PCCA: variants seen among roughly 807,000 people sequenced by gnomAD.
The protein encoded by PCCA is propionyl-CoA carboxylase alpha chain, mitochondrial.
In PCCA, 74 loss-of-function variants were observed where a neutral mutation model predicts 101.3. The ratio of observed to expected loss-of-function variants is 0.73; its 90% CI spans 0.61 to 0.89. PCCA has a LOEUF of 0.89. PCCA is among the 40% of genes least tolerant of loss of function. The probability of loss-of-function intolerance (pLI) is 0.00; values close to 1 mark genes in which losing one functional copy is unlikely to be tolerated. For synonymous variants in PCCA, 294 were observed against 313.6 expected (o/e 0.94, Z 0.66); for missense variants, 891 against 907.0 (o/e 0.98, Z 0.23).
chr13:100,527,337 C>T, intron 22 of PCCA: 1 of 483,918 alleles, frequency 2.1e-6, no homozygotes, highest in Non-Finnish European at 4.2e-6. Flanking sequence ...CTATTCTGGA[C>T]ATTTCAGGTA....
intron 7 of PCCA, among the ~76,000 whole-genome samples, chr13:100,224,892 A>G (rs1207083645): frequency 1.3e-5 from 2 of 152,222 alleles, no homozygotes; most frequent in Non-Finnish European, 2.9e-5. Flanking sequence ...GATTTGTAGT[A>G]TGAGGGGCTG....
intron 19 of PCCA, among the ~76,000 whole-genome samples, chr13:100,422,011 C>T (rs1404245976): frequency 6.6e-6 from 1 of 151,378 alleles, no homozygotes; most frequent in African/African-American, 2.4e-5. Flanking sequence ...TAACTTAATA[C>T]CTCCATACTT....
At chr13:100,513,974 T>C (rs2086658154) in intron 21 of PCCA, among the ~76,000 whole-genome samples, 1 of 152,170 alleles carries the variant, frequency 6.6e-6, no homozygotes, top group Admixed American at 6.5e-5. Flanking sequence ...CCCCATTGAT[T>C]TAATGAAGGA....
chr13:100,139,037 C>G (rs985724220), intron 4 of PCCA, among the ~76,000 whole-genome samples: 1 of 151,018 alleles, frequency 6.6e-6, no homozygotes, highest in African/African-American at 2.4e-5. Flanking sequence ...GTTGACAGTT[C>G]TTTCTTTCCA....
At chr13:100,479,209 A>G (rs1464529286) in intron 21 of PCCA, among the ~76,000 whole-genome samples, 1 of 152,160 alleles carries the variant, frequency 6.6e-6, no homozygotes, top group Non-Finnish European at 1.5e-5. Flanking sequence ...AAAAATAAAA[A>G]CCAAAATGAA....
chr13:100,309,721 C>T (rs932106286), intron 15 of PCCA, 112 bp from the exon 16 acceptor site: 18 of 681,086 alleles, frequency 2.6e-5, no homozygotes, highest in Admixed American at 1.6e-4. Context: ...CATAAAATTT[C>T]GAGATATATT....
At chr13:100,095,614 T>C (rs2046697884) in intron 1 of PCCA, among the ~76,000 whole-genome samples, 1 of 152,168 alleles carries the variant, frequency 6.6e-6, no homozygotes, top group Admixed American at 6.5e-5. Context: ...CAGCCAGCCA[T>C]GTGACTATAT....
At chr13:100,230,403 G>A (rs1004610429) in intron 7 of PCCA, among the ~76,000 whole-genome samples, 5 of 151,952 alleles carry the variant, frequency 3.3e-5, no homozygotes, top group African/African-American at 1.2e-4. Flanking sequence ...AAATTAGCCG[G>A]GTGTGGTGGT....
intron 4 of PCCA, among the ~76,000 whole-genome samples, chr13:100,138,046 C>T (rs1184222282): frequency 2.0e-5 from 3 of 152,076 alleles, no homozygotes; most frequent in Admixed American, 1.3e-4. Context: ...ATTTCAGCCT[C>T]CCAAAGTGTT....
intron 21 of PCCA, among the ~76,000 whole-genome samples, chr13:100,485,159 G>A (rs923411033): frequency 6.6e-6 from 1 of 152,218 alleles, no homozygotes. Flanking sequence ...GTGAATGGGT[G>A]TAGAAGAGAA....
chr13:100,462,654 A>G (rs2082247384), intron 21 of PCCA, among the ~76,000 whole-genome samples: 1 of 152,212 alleles, frequency 6.6e-6, no homozygotes, highest in East Asian at 1.9e-4. Flanking sequence ...AACACAGGGA[A>G]AAGAAGAACT....
At chr13:100,211,955 G>T (rs532866789) in intron 7 of PCCA, among the ~76,000 whole-genome samples, 18 of 152,166 alleles carry the variant, frequency 1.2e-4, no homozygotes, top group African/African-American at 4.3e-4. Flanking sequence ...TGCCTAGACT[G>T]GTCTCAAATT....
intron 22 of PCCA, among the ~76,000 whole-genome samples, chr13:100,522,542 A>G (rs890745940): frequency 6.6e-6 from 1 of 152,196 alleles, no homozygotes; most frequent in Non-Finnish European, 1.5e-5. Context: ...CGATGCTGTG[A>G]ACGTCCCCTG....
intron 7 of PCCA, among the ~76,000 whole-genome samples, 161 bp from the exon 8 acceptor site, chr13:100,235,681 T>C (rs1257162661): frequency 1.3e-5 from 2 of 152,224 alleles, no homozygotes; most frequent in Non-Finnish European, 2.9e-5. Context: ...ATTCCACTTA[T>C]GGTATTAATT....
At chr13:100,289,544 T>G (rs1329886401) in intron 12 of PCCA, among the ~76,000 whole-genome samples, 1 of 151,986 alleles carries the variant, frequency 6.6e-6, no homozygotes, top group Non-Finnish European at 1.5e-5. Flanking sequence ...TTATTTTATC[T>G]TATATTTAAA....
chr13:100,439,560 A>AT (rs2080192644), intron 20 of PCCA, among the ~76,000 whole-genome samples: 1 of 151,892 alleles, frequency 6.6e-6, no homozygotes, highest in South Asian at 2.1e-4. Flanking sequence ...CTGTGAAGTA[A>AT]TTTTTTTGAC....
intron 6 of PCCA, among the ~76,000 whole-genome samples, chr13:100,169,219 A>T (rs536726801): frequency 3.9e-5 from 6 of 152,176 alleles, no homozygotes; most frequent in South Asian, 4.2e-4. Flanking sequence ...AGGTGGGCGG[A>T]TCACCTGAGG....
chr13:100,247,773 C>T (rs1435819647), intron 8 of PCCA, among the ~76,000 whole-genome samples: 1 of 152,160 alleles, frequency 6.6e-6, no homozygotes, highest in Non-Finnish European at 1.5e-5. Context: ...ACCTCGGCCT[C>T]CCAAAGTGCT....
intron 19 of PCCA, among the ~76,000 whole-genome samples, chr13:100,401,304 C>T (rs1455810865): frequency 2.0e-5 from 3 of 152,040 alleles, no homozygotes; most frequent in Non-Finnish European, 2.9e-5. Flanking sequence ...AGTGAAGTGG[C>T]GTGATCTTGA....
Sources: allele counts gnomAD v4.1 joint callset (sites outside exome capture counted in the v4.1 genomes callset), GRCh38; gene constraint gnomAD v4.1.1; transcripts MANE v1.5; gene names NCBI Gene and HGNC (gene_info 2026-07-23, HGNC 2026-07-21).